The following CCDC178 variants were observed in gnomAD, a reference collection of about 807,000 sequenced individuals.
The protein encoded by CCDC178 is coiled-coil domain-containing protein 178.
A neutral mutation model predicts 117.4 loss-of-function variants in CCDC178; 126 were observed. The observed-to-expected ratio is 1.07, with a 90% CI of 0.93 to 1.24. The LOEUF is 1.24. CCDC178 is among the 50% of genes most tolerant of loss of function. The pLI, the probability that CCDC178 is intolerant of heterozygous loss-of-function variation, is 0.00. For synonymous variants in CCDC178, 283 were observed against 313.4 expected (o/e 0.90, Z 1.02); for missense variants, 1,030 against 986.9 (o/e 1.04, Z -0.59).
intron 20 of CCDC178, among the ~76,000 whole-genome samples, chr18:33,198,073 A>G (rs1411548677): frequency 2.6e-5 from 4 of 152,180 alleles, no homozygotes; most frequent in African/African-American, 4.8e-5. Context: ...TAAATCAGAC[A>G]GTGGGAGGGC....
chr18:33,282,176 C>T (rs2060033862), intron 12 of CCDC178, among the ~76,000 whole-genome samples: 1 of 152,174 alleles, frequency 6.6e-6, no homozygotes, highest in South Asian at 2.1e-4. Context: ...CTAGGAGCAA[C>T]TTGCTCTTGC....
In CCDC178 at chr18:33,272,301, C is replaced by T. The variant is rs978599151; in HGVS notation, c.1177-5004G>A. 2.0e-5 allele frequency among the ~76,000 whole-genome samples: 3 copies of T among 151,348 alleles called. No individual in the cohort carries two copies. The East Asian group carries it at 5.8e-4, about 29-fold the overall frequency. On this transcript the variant is annotated intron_variant, in intron 12 of 22. Transcript: ENST00000383096. Reference sequence around the variant, plus strand: ...TTATGCCAACAAATTAGATAAACAACATGAAATGAATAAATTCCCAAAAAT... The same window carrying T: ...TTATGCCAACAAATTAGATAAACAATATGAAATGAATAAATTCCCAAAAAT...
In CCDC178 at chr18:33,093,083, TTTG is replaced by T. The variant is rs974153672; in HGVS notation, c.2239-176_2239-174del. Among the ~76,000 whole-genome samples, 91 of 152,244 alleles carry T rather than the reference TTTG, an allele frequency of 6.0e-4. 1 individual carries two copies. Among genetic ancestry groups the T allele is most frequent in the Non-Finnish European group, 9.9e-4 (67 of 67,998 alleles). On this transcript the variant is annotated intron_variant, in intron 20 of 22. Transcript: ENST00000383096. Reference sequence around the variant, plus strand: ...AATGTTTCTCCTGATACCAATATCCTTTGTTGATTTAATAATATTCTTTTTTGA... The same window carrying T: ...AATGTTTCTCCTGATACCAATATCCTTTGATTTAATAATATTCTTTTTTGA...
At chr18:33,278,836 C>A (rs1188484520) in intron 12 of CCDC178, among the ~76,000 whole-genome samples, 3 of 152,062 alleles carry the variant, frequency 2.0e-5, no homozygotes, top group Non-Finnish European at 4.4e-5. Context: ...AGCATATAAA[C>A]AGAACCAAAG....
intron 20 of CCDC178, among the ~76,000 whole-genome samples, chr18:33,151,329 T>C (rs2058339382): frequency 6.6e-6 from 1 of 152,106 alleles, no homozygotes; most frequent in Non-Finnish European, 1.5e-5. Context: ...AAAAAATACA[T>C]ATCTACAGTC....
chr18:33,087,013 CA>C (rs1336226307), intron 21 of CCDC178, among the ~76,000 whole-genome samples: 8 of 128,092 alleles, frequency 6.2e-5, no homozygotes, highest in Non-Finnish European at 1.2e-4. Context: ...CACACACACA[CA>C]ACAAAATAGC....
At chr18:33,372,845 G>C (rs1268955690) in intron 5 of CCDC178, among the ~76,000 whole-genome samples, 1 of 152,114 alleles carries the variant, frequency 6.6e-6, no homozygotes, top group Non-Finnish European at 1.5e-5. Flanking sequence ...TATCACAAGA[G>C]TCCTTCCTTT....
At chr18:33,328,226 C>T (rs571864979) in intron 10 of CCDC178, 1 of 248,374 alleles carries the variant, frequency 4.0e-6, no homozygotes, top group Admixed American at 5.7e-5. Context: ...CCTCCACCTT[C>T]TGGGTAGCTG....
chr18:33,425,909 C>A (rs1451513159), intron 2 of CCDC178, among the ~76,000 whole-genome samples: 1 of 152,100 alleles, frequency 6.6e-6, no homozygotes, highest in African/African-American at 2.4e-5. Context: ...CAGAGATGTT[C>A]CTGATATATT....
chr18:33,345,636 C>A (rs551544318), intron 9 of CCDC178, among the ~76,000 whole-genome samples: 1 of 152,230 alleles, frequency 6.6e-6, no homozygotes, highest in South Asian at 2.1e-4. Flanking sequence ...TCTAGAAATT[C>A]AAATACTGTA....
At chr18:32,988,639 T>C (rs76037973) in intron 21 of CCDC178, among the ~76,000 whole-genome samples, 114 of 151,654 alleles carry the variant, frequency 7.5e-4, no homozygotes, top group African/African-American at 2.6e-3. Context: ...TAATCAAAAA[T>C]GTAGGAAAAG....
intron 21 of CCDC178, among the ~76,000 whole-genome samples, chr18:33,072,049 T>A (rs1233342054): frequency 5.3e-5 from 8 of 152,104 alleles, no homozygotes; most frequent in African/African-American, 1.9e-4. Flanking sequence ...AAGAGTATGA[T>A]ATGCAAGGAC....
chr18:33,062,171 T>C (rs1284073887), intron 21 of CCDC178, among the ~76,000 whole-genome samples: 1 of 152,240 alleles, frequency 6.6e-6, no homozygotes, highest in Non-Finnish European at 1.5e-5. Flanking sequence ...TTCATCTTAT[T>C]TCTTCATCTA....
intron 20 of CCDC178, among the ~76,000 whole-genome samples, chr18:33,161,789 GTGCCACATTT>G (rs2058467655): frequency 6.6e-6 from 1 of 152,062 alleles, no homozygotes; most frequent in South Asian, 2.1e-4. Flanking sequence ...TGGTGTATAT[GTGCCACATTT>G]TCTTAATCTA....
chr18:33,405,315 A>G (rs1004409350), intron 3 of CCDC178, among the ~76,000 whole-genome samples: 4 of 151,716 alleles, frequency 2.6e-5, no homozygotes, highest in African/African-American at 9.7e-5. Context: ...ATACATCTAT[A>G]TCCATTAAAA....
intron 20 of CCDC178, among the ~76,000 whole-genome samples, chr18:33,155,210 C>T (rs893969327): frequency 3.3e-5 from 5 of 151,754 alleles, no homozygotes; most frequent in Non-Finnish European, 7.4e-5. Flanking sequence ...ACTAAGATAT[C>T]GAGAAAATCC....
intron 15 of CCDC178, among the ~76,000 whole-genome samples, chr18:33,229,116 C>T (rs1228676231): frequency 6.6e-6 from 1 of 152,110 alleles, no homozygotes; most frequent in African/African-American, 2.4e-5. Context: ...GGAATCAACT[C>T]CTGTGGACAG....
intron 5 of CCDC178, among the ~76,000 whole-genome samples, chr18:33,386,519 C>T (rs1008895523): frequency 1.2e-4 from 19 of 152,206 alleles, no homozygotes; most frequent in African/African-American, 4.6e-4. Flanking sequence ...AAAAAGCTTA[C>T]CCACCATGAT....
At chr18:33,190,037 C>T (rs1026569327) in intron 20 of CCDC178, among the ~76,000 whole-genome samples, 3 of 144,974 alleles carry the variant, frequency 2.1e-5, no homozygotes, top group Non-Finnish European at 3.0e-5. Flanking sequence ...AAGCCCTAGA[C>T]TACCAACCAG....
Sources: allele counts gnomAD v4.1 joint callset (sites outside exome capture counted in the v4.1 genomes callset), GRCh38; gene constraint gnomAD v4.1.1; transcripts MANE v1.5; gene names NCBI Gene and HGNC (gene_info 2026-07-23, HGNC 2026-07-21).